The following PLA2G4A variants were observed in gnomAD, a reference collection of about 807,000 sequenced individuals.
PLA2G4A encodes phospholipase A2 group IVA, also known as cytosolic phospholipase A2.
PLA2G4A carries 40 observed loss-of-function variants against 81.9 expected under a neutral mutation model. That is an observed-to-expected ratio of 0.49 (90% CI 0.38 to 0.64). PLA2G4A has a LOEUF of 0.64. Ranked by LOEUF, PLA2G4A falls within the 30% of genes least tolerant of loss-of-function variation. The pLI, the probability that PLA2G4A is intolerant of heterozygous loss-of-function variation, is 0.00. For synonymous variants in PLA2G4A, 302 were observed against 296.9 expected (o/e 1.02, Z -0.18); for missense variants, 715 against 905.1 (o/e 0.79, Z 2.69).
At chr1:186,894,771 T>C (rs1258353818) in intron 5 of PLA2G4A, among the ~76,000 whole-genome samples, 4 of 152,204 alleles carry the variant, frequency 2.6e-5, no homozygotes, top group Non-Finnish European at 2.9e-5. Flanking sequence ...GTTTGCTACA[T>C]TTCTGAAATT....
chr1:186,920,140 G>C (rs1243991444), intron 7 of PLA2G4A, among the ~76,000 whole-genome samples: 1 of 152,166 alleles, frequency 6.6e-6, no homozygotes, highest in East Asian at 1.9e-4. Context: ...GGCTCGGTTA[G>C]AAAAAGTCCC....
At chr1:186,922,600 G>A (rs1197999373) in intron 7 of PLA2G4A, among the ~76,000 whole-genome samples, 2 of 152,304 alleles carry the variant, frequency 1.3e-5, no homozygotes, top group East Asian at 1.9e-4. Flanking sequence ...GCTCCACAGG[G>A]CAGGCCTAAG....
chr1:186,897,475 A>G (rs911857486), intron 5 of PLA2G4A, among the ~76,000 whole-genome samples: 1 of 151,996 alleles, frequency 6.6e-6, no homozygotes, highest in Non-Finnish European at 1.5e-5. Context: ...TAGAAAGAAT[A>G]CTTCTCTTCT....
At chr1:186,879,659 G>T (rs750833404) in intron 3 of PLA2G4A, among the ~76,000 whole-genome samples, 8 of 151,772 alleles carry the variant, frequency 5.3e-5, no homozygotes, top group Non-Finnish European at 1.0e-4. Flanking sequence ...AAGCTTAAAT[G>T]AAATTATGGC....
intron 10 of PLA2G4A, among the ~76,000 whole-genome samples, 171 bp from the exon 11 acceptor site, chr1:186,946,466 C>T (rs1335401228): frequency 6.6e-6 from 1 of 151,884 alleles, no homozygotes; most frequent in East Asian, 1.9e-4. Flanking sequence ...TTTCCCCCAA[C>T]TTCTACACAA....
At chr1:186,986,310 C>G (rs1657890462) in intron 17 of PLA2G4A, among the ~76,000 whole-genome samples, 1 of 151,974 alleles carries the variant, frequency 6.6e-6, no homozygotes, top group African/African-American at 2.4e-5. Flanking sequence ...TTTGTATGGT[C>G]TTTTTTATTT....
At chr1:186,862,223 C>CTTTTTTTCTTTTT (rs1652829840) in intron 2 of PLA2G4A, among the ~76,000 whole-genome samples, 1 of 126,308 alleles carries the variant, frequency 7.9e-6, no homozygotes, top group African/African-American at 3.0e-5. Flanking sequence ...TAGTTATGAA[C>CTTTTTTTCTTTTT]TTTTTTTTTG....
intron 8 of PLA2G4A, among the ~76,000 whole-genome samples, chr1:186,937,018 ATACTTT>A (rs200376189): frequency 0.29 from 44,273 of 150,968 alleles, 8,558 homozygotes; most frequent in African/African-American, 0.54. Context: ...AACTGGGGTG[ATACTTT>A]TATGTTTTTT....
Position 186,911,355 on chromosome 1 carries a change from C to T in PLA2G4A, c.524C>T (p.Pro175Leu). 1 of 1,611,162 alleles carries T rather than the reference C, an allele frequency of 6.2e-7. No individual in the cohort carries two copies. The highest frequency in any genetic ancestry group is 1.3e-5 in the African/African-American group (1 of 74,964). ...IRESMKKLLG[P>L]KNSEGLHSAR... ...GAGAGCATGAAGAAACTCTTGGGTC[C>T]AAAGAATAGTGAAGGATTGCATTCT... The change falls in exon 7 of 18, where the codon CCA becomes CTA. Residue 175 changes from proline to leucine, a missense_variant. Pro to Leu is a moderately conservative substitution (Grantham distance 98). Coordinates refer to ENST00000367466, the MANE Select transcript of PLA2G4A (RefSeq NM_024420.3).
chr1:186,845,639 C>G (rs1652145009), intron 1 of PLA2G4A, among the ~76,000 whole-genome samples: 1 of 152,034 alleles, frequency 6.6e-6, no homozygotes, highest in Non-Finnish European at 1.5e-5. Flanking sequence ...CCGCCACATG[C>G]CACAACTCTA....
At chr1:186,934,720 C>T (rs1329896126) in intron 8 of PLA2G4A, among the ~76,000 whole-genome samples, 1 of 151,898 alleles carries the variant, frequency 6.6e-6, no homozygotes, top group East Asian at 1.9e-4. Context: ...CTTGACTTCT[C>T]AGTGTATGTG....
At chr1:186,848,513 T>C (rs1254718507) in intron 1 of PLA2G4A, among the ~76,000 whole-genome samples, 3 of 152,148 alleles carry the variant, frequency 2.0e-5, no homozygotes, top group Non-Finnish European at 4.4e-5. Flanking sequence ...GTGACTGGGT[T>C]AATTCTTTTT....
chr1:186,935,871 CA>C (rs1159449403), intron 8 of PLA2G4A, among the ~76,000 whole-genome samples: 2 of 151,958 alleles, frequency 1.3e-5, no homozygotes, highest in Admixed American at 1.3e-4. Flanking sequence ...TCTGTGATCA[CA>C]AAAGAGAATT....
Position 186,964,054 on chromosome 1 carries a change from TAC to T in PLA2G4A, c.1580-1354_1580-1353del, listed in dbSNP as rs1400513287. ...AAATCTATGAAGGGAAACTAACATA[TAC>T]TAGGTTCCTACTGTGTGCTGAGCAT... On this transcript the variant is annotated intron_variant, in intron 14 of 17. Coordinates refer to ENST00000367466, the MANE Select transcript of PLA2G4A (RefSeq NM_024420.3). 5.3e-5 allele frequency among the ~76,000 whole-genome samples: 8 copies of T among 152,338 alleles called. No homozygotes were observed. In the South Asian group the frequency reaches 1.0e-3, roughly 20 times the overall value.
intron 7 of PLA2G4A, 43 bp from the exon 8 acceptor site, chr1:186,932,720 G>A (rs12720586): frequency 0.014 from 22,359 of 1,596,884 alleles, 243 homozygotes; most frequent in Middle Eastern, 0.044. Flanking sequence ...TGTATTTTAT[G>A]ATTTTTACTT....
At chr1:186,837,164 A>G (rs1351626656) in intron 1 of PLA2G4A, among the ~76,000 whole-genome samples, 10 of 152,284 alleles carry the variant, frequency 6.6e-5, no homozygotes, top group African/African-American at 2.4e-4. Flanking sequence ...AGTGATTACT[A>G]CATTTGGAAA....
intron 10 of PLA2G4A, among the ~76,000 whole-genome samples, chr1:186,941,304 A>G (rs1283386509): frequency 1.3e-5 from 2 of 152,144 alleles, no homozygotes; most frequent in African/African-American, 4.8e-5. Context: ...TGGCACATAT[A>G]TATCCAGAAT....
At chr1:186,986,755 T>C (rs1657903287) in intron 17 of PLA2G4A, among the ~76,000 whole-genome samples, 1 of 152,226 alleles carries the variant, frequency 6.6e-6, no homozygotes, top group African/African-American at 2.4e-5. Flanking sequence ...GTACATTATT[T>C]CCATTTTAAA....
intron 7 of PLA2G4A, among the ~76,000 whole-genome samples, chr1:186,915,708 C>T (rs769863220): frequency 6.6e-5 from 10 of 152,066 alleles, no homozygotes; most frequent in Non-Finnish European, 1.0e-4. Flanking sequence ...AGTGGGACTC[C>T]GGGTGGGTCC....
Sources: allele counts gnomAD v4.1 joint callset (sites outside exome capture counted in the v4.1 genomes callset), GRCh38; gene constraint gnomAD v4.1.1; transcripts MANE v1.5; gene names NCBI Gene and HGNC (gene_info 2026-07-23, HGNC 2026-07-21).